Variants in TNRC6B observed in about 807,000 individuals in gnomAD.
TNRC6B encodes the protein trinucleotide repeat-containing gene 6B protein.
In TNRC6B, 52 loss-of-function variants were observed where a neutral mutation model predicts 203.6. The ratio of observed to expected loss-of-function variants is 0.26; its 90% CI spans 0.20 to 0.32. The LOEUF is 0.32. Ranked by LOEUF, TNRC6B falls within the 10% of genes least tolerant of loss-of-function variation. The pLI, the probability that TNRC6B is intolerant of heterozygous loss-of-function variation, is 1.00. For synonymous variants in TNRC6B, 838 were observed against 845.7 expected (o/e 0.99, Z 0.16); for missense variants, 1,923 against 2,286.2 (o/e 0.84, Z 3.24).
intron 1 of TNRC6B, among the ~76,000 whole-genome samples, chr22:40,196,867 G>T (rs2069343529): frequency 6.6e-6 from 1 of 152,014 alleles, no homozygotes; most frequent in South Asian, 2.1e-4. Context: ...TTCATTAAGT[G>T]CCTATTATGC....
intron 1 of TNRC6B, among the ~76,000 whole-genome samples, chr22:40,182,222 G>A (rs2069141527): frequency 6.6e-6 from 1 of 151,682 alleles, no homozygotes; most frequent in African/African-American, 2.4e-5. Flanking sequence ...TCCATCCTGG[G>A]CAGTACAGGG....
intron 6 of TNRC6B, among the ~76,000 whole-genome samples, chr22:40,270,961 G>T (rs997064034): frequency 3.9e-5 from 6 of 152,178 alleles, no homozygotes; most frequent in Non-Finnish European, 1.5e-5. Flanking sequence ...TGTGGAACAC[G>T]ATCTGTGCTG....
At chr22:40,300,608 T>G in intron 13 of TNRC6B, 22 bp downstream of exon 13, 1 of 1,587,160 alleles carries the variant, frequency 6.3e-7, no homozygotes, top group Non-Finnish European at 8.5e-7. Flanking sequence ...ATTTTCTTCC[T>G]GTGGCTAAAA....
chr22:40,106,568 C>A, intron 1 of TNRC6B: 1 of 728,094 alleles, frequency 1.4e-6, no homozygotes, highest in Middle Eastern at 3.0e-4. Context: ...CAAAGCAATT[C>A]GCTTCTTACT....
At chr22:40,107,824 C>T (rs768517216) in intron 1 of TNRC6B, among the ~76,000 whole-genome samples, 8 of 151,558 alleles carry the variant, frequency 5.3e-5, no homozygotes, top group Non-Finnish European at 1.2e-4. Context: ...ATTTAAACCT[C>T]TTTTTTGGCC....
At chr22:40,182,499 AG>A (rs2069147383) in intron 1 of TNRC6B, among the ~76,000 whole-genome samples, 1 of 152,190 alleles carries the variant, frequency 6.6e-6, no homozygotes, top group African/African-American at 2.4e-5. Context: ...TGGCCAGAAA[AG>A]GGATTTATTT....
At chr22:40,233,352 G>A (rs934834001) in intron 1 of TNRC6B, among the ~76,000 whole-genome samples, 2 of 151,302 alleles carry the variant, frequency 1.3e-5, no homozygotes, top group African/African-American at 4.9e-5. Flanking sequence ...AGCCGGTCGC[G>A]GTGGCTCATG....
At chr22:40,285,859 A>G in intron 12 of TNRC6B, 89 bp downstream of exon 12, 1 of 1,497,138 alleles carries the variant, frequency 6.7e-7, no homozygotes, top group South Asian at 1.3e-5. Flanking sequence ...GCATAAAAAG[A>G]ATGATAGTAA....
At chr22:40,267,101 AT>A in intron 5 of TNRC6B, 65 bp downstream of exon 5, 1 of 1,423,010 alleles carries the variant, frequency 7.0e-7, no homozygotes, top group Non-Finnish European at 9.3e-7. Flanking sequence ...AGGCATTTTT[AT>A]TAGGTGAATT....
At chr22:40,240,190 T>TA (rs1170668495) in intron 1 of TNRC6B, among the ~76,000 whole-genome samples, 1 of 152,158 alleles carries the variant, frequency 6.6e-6, no homozygotes, top group East Asian at 1.9e-4. Flanking sequence ...ACTATTATTG[T>TA]AAAAAATTAA....
intron 1 of TNRC6B, among the ~76,000 whole-genome samples, chr22:40,242,177 AGAGT>A (rs2070037399): frequency 1.1e-5 from 1 of 94,788 alleles, no homozygotes; most frequent in African/African-American, 3.1e-5. Flanking sequence ...TAAGGGAATA[AGAGT>A]GTGTGTGTGT....
At chr22:40,308,412 A>G (rs2071122525) in intron 15 of TNRC6B, 100 bp from the exon 16 acceptor site, 6 of 1,352,166 alleles carry the variant, frequency 4.4e-6, no homozygotes, top group Non-Finnish European at 6.3e-6. Flanking sequence ...AACTCTGTGA[A>G]TTAGTCTTTG....
At chr22:40,176,187 C>T (rs191912787), upstream of TNRC6B, among the ~76,000 whole-genome samples, 442 of 149,934 alleles carry the variant, frequency 2.9e-3, 3 homozygotes, top group Non-Finnish European at 4.5e-3. Context: ...TGCAATGGCG[C>T]GATCTCGGCT....
chr22:40,163,745 G>T (rs2068893224), intron 4 of TNRC6B, among the ~76,000 whole-genome samples: 1 of 151,958 alleles, frequency 6.6e-6, no homozygotes, highest in Non-Finnish European at 1.5e-5. Flanking sequence ...TGGGCAACAA[G>T]AGCGAAACTC....
rs111790084 is a variant in TNRC6B, at chr22:40,304,865, A to T, written c.4120+3532A>T. Among the ~76,000 whole-genome samples the T allele has an allele frequency of 9.8e-5, 15 of 152,336 alleles. 1 individual carries two copies. The highest frequency in any genetic ancestry group is 3.6e-4 in the African/African-American group (15 of 41,570). Reference sequence around the variant, plus strand: ...AGAAGAGTAATTGTATCTATGCTGCAATTATGATTGTGTCGATACCAAGTG... The same window carrying T: ...AGAAGAGTAATTGTATCTATGCTGCTATTATGATTGTGTCGATACCAAGTG... On this transcript the variant is annotated intron_variant, in intron 15 of 22. Coordinates refer to ENST00000454349, the MANE Select transcript of TNRC6B (RefSeq NM_001162501.2).
chr22:40,102,898 G>A (rs1396270959), intron 1 of TNRC6B, among the ~76,000 whole-genome samples: 1 of 152,104 alleles, frequency 6.6e-6, no homozygotes, highest in Non-Finnish European at 1.5e-5. Context: ...CCAACATGGT[G>A]AAACCCCGTC....
intron 3 of TNRC6B, among the ~76,000 whole-genome samples, chr22:40,130,249 C>T (rs1048885377): frequency 2.0e-5 from 3 of 152,130 alleles, no homozygotes; most frequent in African/African-American, 7.2e-5. Flanking sequence ...GCAGTAATGC[C>T]TGAGCTCAGG....
intron 21 of TNRC6B, 40 bp from the exon 22 acceptor site, chr22:40,321,050 C>T (rs1293497027): frequency 1.2e-6 from 2 of 1,607,972 alleles, no homozygotes; most frequent in East Asian, 2.2e-5. Flanking sequence ...TTTTCCACCC[C>T]ACCTCCAGTC....
At chr22:40,168,553 A>G (rs1170209891) in intron 4 of TNRC6B, among the ~76,000 whole-genome samples, 1 of 152,216 alleles carries the variant, frequency 6.6e-6, no homozygotes, top group Non-Finnish European at 1.5e-5. Context: ...CTAGCATTCT[A>G]ACTTAAATAG....
Sources: allele counts gnomAD v4.1 joint callset (sites outside exome capture counted in the v4.1 genomes callset), GRCh38; gene constraint gnomAD v4.1.1; transcripts MANE v1.5; gene names NCBI Gene and HGNC (gene_info 2026-07-23, HGNC 2026-07-21).